The following NAF1 variants were observed in gnomAD, a reference collection of about 807,000 sequenced individuals.
NAF1 encodes the protein H/ACA ribonucleoprotein complex non-core subunit NAF1.
NAF1 carries 11 observed loss-of-function variants against 40.6 expected under a neutral mutation model. That is an observed-to-expected ratio of 0.27 (90% CI 0.17 to 0.45). NAF1 has a LOEUF of 0.45. Among genes scored for constraint, NAF1 ranks in the 20% least tolerant of loss-of-function variants. The pLI is 1.00. For missense variants in NAF1, 607 were observed against 611.1 expected (o/e 0.99, Z 0.07); for synonymous variants, 260 against 228.5 (o/e 1.14, Z -1.24).
At position 163,128,800 on chromosome 4, in the gene NAF1, T is replaced by C; in HGVS notation, c.*97A>G. On this transcript the variant is annotated 3_prime_UTR_variant, in exon 8 of 8. Transcript: ENST00000274054. ...GAAGGAATCATTTAGTATTTTACAG[T>C]GTTTTTAAAAATCTAGCTCCATAAT... is the stretch of plus-strand genomic sequence containing the variant. 7.4e-7 allele frequency: 1 copy of C among 1,352,412 alleles called. No individual in the cohort carries two copies. 83.8% of individuals were successfully genotyped at this position (1,352,412 alleles called of 1,614,324 possible).
chr4:163,122,980 C>T (rs186638332), downstream of NAF1, among the ~76,000 whole-genome samples: 4 of 152,294 alleles, frequency 2.6e-5, no homozygotes, highest in African/African-American at 9.6e-5. Context: ...TCCAGGTTTC[C>T]CCTAGACAGT....
Position 163,140,316 on chromosome 4 carries a change from A to T in NAF1, c.785T>A (p.Ile262Asn). 6.2e-7 allele frequency: 1 copy of T among 1,609,042 alleles called. No homozygotes were observed. ...CTTTATTTTAATACCTTTACTCTCA[A>T]TGTGATCTGAAGAATTAAACCGTAA... ...YVLRFNSSDH[I>N]ESKGIKIKET... The change falls in exon 5 of 8, where the codon ATT becomes AAT. Residue 262 changes from isoleucine (I) to asparagine (N), a missense_variant. By Grantham distance (149) the Ile-to-Asn change is moderately radical. Around this residue, in one of 3 missense-constraint regions of NAF1, gnomAD observed 407 missense variants for 365.5 expected, o/e 1.11. Transcript: ENST00000274054.
At chr4:163,156,634 A>G (rs1731997579) in intron 2 of NAF1, among the ~76,000 whole-genome samples, 1 of 152,118 alleles carries the variant, frequency 6.6e-6, no homozygotes, top group African/African-American at 2.4e-5. Flanking sequence ...TCACACATCA[A>G]AAAAGCCCTC....
downstream of NAF1, chr4:163,126,961 G>GT (rs1231305442): frequency 9.7e-6 from 15 of 1,545,382 alleles, no homozygotes; most frequent in Admixed American, 2.0e-5. Flanking sequence ...ATGCACATTG[G>GT]TTTTTTTAGA....
At chr4:163,148,306 G>A in intron 3 of NAF1, 35 bp downstream of exon 3, 1 of 1,348,724 alleles carries the variant, frequency 7.4e-7, no homozygotes, top group African/African-American at 1.5e-5. Context: ...GTGTGTGTTT[G>A]GAAACAATTT....
chr4:163,114,151 A>G (rs1473967742), intron 2 of NAF1, among the ~76,000 whole-genome samples: 2 of 152,200 alleles, frequency 1.3e-5, no homozygotes, highest in African/African-American at 4.8e-5. Flanking sequence ...TAGGAGCATG[A>G]GGTAAAATTC....
At chr4:163,129,632 G>A (rs1373674064) in intron 7 of NAF1, among the ~76,000 whole-genome samples, 2 of 152,158 alleles carry the variant, frequency 1.3e-5, no homozygotes, top group Non-Finnish European at 2.9e-5. Context: ...CTCAAAGGCT[G>A]AGTACAGATC....
At position 163,148,530 on chromosome 4, in the gene NAF1, A is replaced by C. The variant is rs1731567733; in HGVS notation, c.541-96T>G. The C allele has an allele frequency of 3.6e-6, 3 of 828,102 alleles. No homozygotes were observed. In the South Asian group the frequency reaches 5.2e-5, roughly 14 times the overall value. The allele number at this position is 828,102 out of a possible 1,614,324, so 51.3% of individuals were successfully genotyped here. A position where few individuals can be genotyped will look rare whatever the true frequency, so the allele number is the denominator to read the frequency against. ...ATTTTAAGTGCTACACATCTCTGAA[A>C]ATGCTTTAAGTGCTTAGAGCATCTC... is the stretch of plus-strand genomic sequence containing the variant. On this transcript the variant is annotated intron_variant, in intron 2 of 7. Coordinates refer to ENST00000274054, the MANE Select transcript of NAF1 (RefSeq NM_138386.3).
downstream of NAF1, among the ~76,000 whole-genome samples, chr4:163,125,195 C>T (rs1016956456): frequency 1.3e-5 from 2 of 152,108 alleles, no homozygotes; most frequent in East Asian, 3.9e-4. Context: ...AATCACTAGC[C>T]GTATAATGAC....
At chr4:163,140,468 G>A in intron 4 of NAF1, 85 bp from the exon 5 acceptor site, 1 of 1,176,526 alleles carries the variant, frequency 8.5e-7, no homozygotes, top group Non-Finnish European at 1.2e-6. Flanking sequence ...AAATCCCACT[G>A]ATAATTGCCA....
intron 1 of NAF1, among the ~76,000 whole-genome samples, chr4:163,164,976 C>CT (rs142154309): frequency 0.024 from 3,723 of 152,238 alleles, 66 homozygotes; most frequent in Non-Finnish European, 0.036. Flanking sequence ...ACTTGAAGCC[C>CT]TTTTATATAC....
At chr4:163,159,097 A>C (rs1560806887) in intron 2 of NAF1, among the ~76,000 whole-genome samples, 1 of 152,114 alleles carries the variant, frequency 6.6e-6, no homozygotes, top group African/African-American at 2.4e-5. Context: ...AAACAATTGA[A>C]TGTTTCTGTG....
In NAF1 at chr4:163,129,327, T is replaced by G. The variant is rs1318747758; in HGVS notation, c.1055A>C (p.His352Pro). The stretch of plus-strand genomic sequence containing the variant: ...AGAGCTATGAGCATTCCAATTCTGA[T>G]GTACTTCAGTAAAATCTTCACCTTT... ...NEPGEDFTEV[H>P]QNWNAHSSAS... Residue 352 changes from histidine to proline, a missense_variant, in exon 8 of 8, where the codon CAT becomes CCT. Coordinates refer to ENST00000274054, the MANE Select transcript of NAF1 (RefSeq NM_138386.3). 1.2e-6 allele frequency: 2 copies of G among 1,609,542 alleles called. No homozygotes were observed. The highest frequency in any genetic ancestry group is 1.7e-5 in the Admixed American group (1 of 59,972).
downstream of NAF1, among the ~76,000 whole-genome samples, chr4:163,107,388 A>G (rs932811832): frequency 5.3e-5 from 8 of 152,322 alleles, no homozygotes; most frequent in Middle Eastern, 6.8e-3. Flanking sequence ...CTGTGCTCAG[A>G]TACAGCAGGC....
chr4:163,153,063 G>A (rs929148118), intron 2 of NAF1, among the ~76,000 whole-genome samples: 2 of 152,192 alleles, frequency 1.3e-5, no homozygotes, highest in African/African-American at 2.4e-5. Flanking sequence ...ATTTCTCGCC[G>A]AGCCTTAGCT....
intron 4 of NAF1, among the ~76,000 whole-genome samples, chr4:163,142,550 TTGA>T (rs1731301931): frequency 6.6e-6 from 1 of 152,230 alleles, no homozygotes; most frequent in African/African-American, 2.4e-5. Flanking sequence ...AGTATTTTAG[TTGA>T]CTGTTCCTAG....
intron 2 of NAF1, chr4:163,157,057 T>C (rs1045821187): frequency 9.2e-5 from 14 of 152,096 alleles, no homozygotes; most frequent in African/African-American, 3.1e-4. Context: ...AATGAAAAGC[T>C]TGCATGGAAA....
At chr4:163,110,661 A>T (rs1730132869) in intron 2 of NAF1, among the ~76,000 whole-genome samples, 1 of 152,186 alleles carries the variant, frequency 6.6e-6, no homozygotes, top group South Asian at 2.1e-4. Context: ...TTGCTTCAAT[A>T]CATTTCCACT....
Position 163,166,657 on chromosome 4 carries a change from C to A in NAF1, c.71G>T (p.Gly24Val), listed in dbSNP as rs750855267. The A allele has an allele frequency of 6.2e-7, 1 of 1,613,614 alleles. No homozygotes were observed. The highest frequency in any genetic ancestry group is 8.5e-7 in the Non-Finnish European group (1 of 1,179,984). The change falls in exon 1 of 8, where the codon GGG becomes GTG. Residue 24 changes from glycine (G) to valine (V), a missense_variant. Gly to Val is a moderately radical substitution (Grantham distance 109). Transcript: ENST00000274054. ...LKFNGTDFGV[G>V]EGPAAPSPGS... ...CGGAGACGGAGCCGCCGGACCTTCCCCAACTCCAAAGTCGGTGCCATTGAA... is the reference window on the plus strand; with the variant it reads ...CGGAGACGGAGCCGCCGGACCTTCCACAACTCCAAAGTCGGTGCCATTGAA...
Sources: gnomAD v4.1 joint callset for allele counts (sites outside exome capture counted in the v4.1 genomes callset) on GRCh38, gnomAD v4.1.1 for gene constraint, gnomAD v4.1.1 regional missense constraint, MANE v1.5 for transcripts, NCBI Gene and HGNC (gene_info 2026-07-23, HGNC 2026-07-21) for gene names.